PCDH11X: variants seen among roughly 807,000 people sequenced by gnomAD.
The protein encoded by PCDH11X is protocadherin 11 X-linked.
In PCDH11X, 18 loss-of-function variants were observed where a neutral mutation model predicts 53.3. The observed-to-expected ratio is 0.34, with a 90% CI of 0.23 to 0.50. PCDH11X has a LOEUF of 0.50. Among genes scored for constraint, PCDH11X ranks in the 20% least tolerant of loss-of-function variants. PCDH11X has a pLI of 0.98. For synonymous variants in PCDH11X, 279 were observed against 393.3 expected (o/e 0.71, Z 3.44); for missense variants, 570 against 1,032.4 (o/e 0.55, Z 6.14).
intron 10 of PCDH11X, among the ~76,000 whole-genome samples, chrX:92,473,054 G>A (rs776240832): frequency 2.2e-3 from 233 of 105,548 alleles, no homozygotes; most frequent in African/African-American, 7.9e-3. Context: ...TTTTTTTTTA[G>A]ATATAGGGTC....
intron 4 of PCDH11X, among the ~76,000 whole-genome samples, chrX:91,824,522 C>T (rs2147594306): frequency 9.1e-6 from 1 of 110,358 alleles, no homozygotes. Context: ...GTTTTCAGCT[C>T]CATCAGCTCC....
chrX:92,432,519 A>G (rs1167654383), intron 9 of PCDH11X, among the ~76,000 whole-genome samples: 1 of 110,330 alleles, frequency 9.1e-6, no homozygotes, highest in Admixed American at 9.7e-5. Context: ...ATTTGGCTGC[A>G]TTTCCCATGG....
rs761412940 is a variant in PCDH11X at position 91,883,534 on chromosome X, G to A, written c.3033+4261G>A. ...CTTAAAAGTTGAGTGGGCCGGGCGC[G>A]GTGGCTCACGCCTGTAATCCCAGCA... On this transcript the variant is annotated intron_variant, in intron 6 of 10. Coordinates refer to ENST00000682573, the MANE Select transcript of PCDH11X (RefSeq NM_032968.5). The A allele has an allele frequency of 1.3e-4, 100 of 745,782 alleles. No individual in the cohort carries two copies. The East Asian group carries it at 0.01, about 76-fold the overall frequency. 61.5% of individuals were successfully genotyped at this position (745,782 alleles called of 1,213,427 possible). A position where few individuals can be genotyped will look rare whatever the true frequency, so the allele number is the denominator to read the frequency against.
intron 8 of PCDH11X, among the ~76,000 whole-genome samples, chrX:92,369,664 G>A (rs1475443415): frequency 2.7e-5 from 3 of 111,542 alleles, no homozygotes; most frequent in African/African-American, 6.5e-5. Flanking sequence ...GGAATCTCCC[G>A]ATCTGCAGAT....
chrX:92,314,183 T>G (rs904059111), intron 8 of PCDH11X, among the ~76,000 whole-genome samples: 1 of 112,435 alleles, frequency 8.9e-6, no homozygotes, highest in Admixed American at 9.5e-5. Flanking sequence ...ATTTTATTTC[T>G]TTTTATTCTC....
intron 7 of PCDH11X, among the ~76,000 whole-genome samples, chrX:92,246,625 A>C (rs2067356879): frequency 8.9e-6 from 1 of 111,848 alleles, no homozygotes; most frequent in Admixed American, 9.5e-5. Context: ...TGCTGGGATT[A>C]TAGGTGTAAG....
At chrX:92,049,778 G>C (rs1385767988) in intron 6 of PCDH11X, among the ~76,000 whole-genome samples, 1 of 110,923 alleles carries the variant, frequency 9.0e-6, no homozygotes, top group African/African-American at 3.3e-5. Context: ...TTTTTTGTTT[G>C]TTTGTTTTTT....
At chrX:92,000,026 G>A (rs927116467) in intron 6 of PCDH11X, among the ~76,000 whole-genome samples, 1 of 111,521 alleles carries the variant, frequency 9.0e-6, no homozygotes, top group African/African-American at 3.3e-5. Context: ...TATGTATGGG[G>A]GGTGTAAAAA....
chrX:92,113,021 G>A (rs2064552737), intron 6 of PCDH11X, among the ~76,000 whole-genome samples: 2 of 109,091 alleles, frequency 1.8e-5, no homozygotes, highest in African/African-American at 7.0e-5. Flanking sequence ...AGGTCAGTGA[G>A]TGTATAGGGG....
At chrX:92,034,288 T>A (rs1292969723) in intron 6 of PCDH11X, among the ~76,000 whole-genome samples, 1 of 111,409 alleles carries the variant, frequency 9.0e-6, no homozygotes, top group Non-Finnish European at 1.9e-5. Flanking sequence ...GCAGATTAAG[T>A]CAGATGTTTA....
chrX:92,483,022 T>C (rs1017167215), intron 10 of PCDH11X, among the ~76,000 whole-genome samples: 1 of 107,315 alleles, frequency 9.3e-6, no homozygotes, highest in Non-Finnish European at 1.9e-5. Context: ...CATTTTAGTG[T>C]ATGAGGTATT....
At chrX:92,186,268 C>T (rs1157417459) in intron 6 of PCDH11X, among the ~76,000 whole-genome samples, 2 of 111,794 alleles carry the variant, frequency 1.8e-5, no homozygotes, top group African/African-American at 6.5e-5. Flanking sequence ...GAAATAGGCA[C>T]ATATGAGAGC....
chrX:92,518,748 ATTTTTTTTTTTTT>A (rs762759156), intron 10 of PCDH11X, among the ~76,000 whole-genome samples: 1 of 59,441 alleles, frequency 1.7e-5, no homozygotes, highest in Non-Finnish European at 2.9e-5. Flanking sequence ...TACCAATAAA[ATTTTTTTTTTTTT>A]TTTTTTTTTT....
At chrX:91,949,273 C>G (rs2061611155) in intron 6 of PCDH11X, among the ~76,000 whole-genome samples, 1 of 108,550 alleles carries the variant, frequency 9.2e-6, no homozygotes, top group Non-Finnish European at 1.9e-5. Flanking sequence ...TTAACAAGTA[C>G]AGGACAAGAC....
At chrX:92,505,296 TTTCTTAGGTTATC>T (rs1864014468) in intron 10 of PCDH11X, among the ~76,000 whole-genome samples, 2 of 106,606 alleles carry the variant, frequency 1.9e-5, no homozygotes, top group South Asian at 8.6e-4. Flanking sequence ...CTGAGTGGTA[TTTCTTAGGTTATC>T]TTCCAGAGCT....
chrX:92,005,933 C>T (rs868024963), intron 6 of PCDH11X, among the ~76,000 whole-genome samples: 20 of 111,824 alleles, frequency 1.8e-4, no homozygotes, highest in African/African-American at 6.5e-4. Flanking sequence ...ATGCCACTCT[C>T]CCCTTGCCTG....
chrX:92,067,834 C>T (rs1037318077), intron 6 of PCDH11X, among the ~76,000 whole-genome samples: 2 of 111,216 alleles, frequency 1.8e-5, no homozygotes, highest in East Asian at 5.7e-4. Flanking sequence ...GAGCTTCGAT[C>T]TTGTTACTTG....
chrX:92,415,726 A>G (rs2071794782), intron 9 of PCDH11X, among the ~76,000 whole-genome samples: 1 of 111,466 alleles, frequency 9.0e-6, no homozygotes, highest in Non-Finnish European at 1.9e-5. Flanking sequence ...ACAACAAGAG[A>G]TATGTTTAAC....
intron 7 of PCDH11X, among the ~76,000 whole-genome samples, chrX:92,210,669 G>C (rs1447493956): frequency 9.0e-6 from 1 of 111,587 alleles, no homozygotes; most frequent in Non-Finnish European, 1.9e-5. Context: ...GTGAATATAG[G>C]CTCTTAGAAG....
Sources: allele counts gnomAD v4.1 joint callset (sites outside exome capture counted in the v4.1 genomes callset), GRCh38; gene constraint gnomAD v4.1.1; transcripts MANE v1.5; gene names NCBI Gene and HGNC (gene_info 2026-07-23, HGNC 2026-07-21).